Variants in DPP8 observed in about 807,000 individuals in gnomAD.
DPP8 encodes the protein dipeptidyl peptidase 8, also known as DPP VIII.
Under a neutral mutation model 107.5 loss-of-function variants are expected in DPP8, and 31 were observed. The observed-to-expected ratio is 0.29, with a 90% CI of 0.22 to 0.39. The LOEUF (loss-of-function observed/expected upper bound fraction) is 0.39, where lower values mean the gene tolerates loss of function less well. Ranked by LOEUF, DPP8 falls within the 10% of genes least tolerant of loss-of-function variation. The pLI, the probability that DPP8 is intolerant of heterozygous loss-of-function variation, is 1.00. For synonymous variants in DPP8, 381 were observed against 356.6 expected, an observed-to-expected ratio of 1.07 and a Z score of -0.77; for missense variants, 842 against 1,076.1, an observed-to-expected ratio of 0.78 and a Z score of 3.04.
intron 5 of DPP8, among the ~76,000 whole-genome samples, chr15:65,496,397 C>A (rs2068604779): frequency 6.6e-6 from 1 of 152,146 alleles, no homozygotes; most frequent in Admixed American, 6.6e-5. Context: ...AAAGAATTTT[C>A]AGTCATCATC....
intron 1 of DPP8, chr15:65,515,907 T>G (rs1418673472): frequency 1.7e-5 from 9 of 542,842 alleles, no homozygotes; most frequent in Middle Eastern, 2.8e-4. Context: ...TATCACTTTT[T>G]GGGGCAATAT....
At chr15:65,505,212 G>C (rs895484596) in intron 3 of DPP8, among the ~76,000 whole-genome samples, 7 of 151,878 alleles carry the variant, frequency 4.6e-5, no homozygotes, top group African/African-American at 1.5e-4. Flanking sequence ...AAAATTAGCT[G>C]GGCATGGTGG....
chr15:65,504,332 C>T (rs1449537582), intron 3 of DPP8, among the ~76,000 whole-genome samples: 1 of 138,494 alleles, frequency 7.2e-6, no homozygotes, highest in Non-Finnish European at 1.5e-5. Context: ...CATTGCACTC[C>T]AGCCTGGGCA....
chr15:65,517,142 C>T (rs2071548099), intron 1 of DPP8: 1 of 152,298 alleles, frequency 6.6e-6, no homozygotes, highest in Non-Finnish European at 1.5e-5. Context: ...TCCGTTTCCT[C>T]ATCTGTAAGC....
chr15:65,517,242 G>C (rs2071564615), intron 1 of DPP8: 1 of 152,294 alleles, frequency 6.6e-6, no homozygotes. Context: ...AGCTCAAGGG[G>C]CGCCCAGTGA....
chr15:65,458,765 A>C (rs1428774773), intron 15 of DPP8: 1 of 152,216 alleles, frequency 6.6e-6, no homozygotes, highest in Non-Finnish European at 1.5e-5. Context: ...ATTTCCACTT[A>C]GACGTGAATA....
chr15:65,492,369 G>A (rs1198750322), intron 5 of DPP8, among the ~76,000 whole-genome samples: 1 of 152,000 alleles, frequency 6.6e-6, no homozygotes, highest in Non-Finnish European at 1.5e-5. Flanking sequence ...GAATTTTTGA[G>A]AACATGTGTT....
At chr15:65,497,145 C>A (rs1424985248) in intron 5 of DPP8, among the ~76,000 whole-genome samples, 1 of 152,198 alleles carries the variant, frequency 6.6e-6, no homozygotes, top group Non-Finnish European at 1.5e-5. Context: ...CTGCCTTGGC[C>A]TCCCAAAGTG....
Position 65,500,635 on chromosome 15 carries a change from C to A in DPP8, c.517G>T (p.Val173Leu), listed in dbSNP as rs201216035. The A allele has an allele frequency of 1.2e-6, 2 of 1,614,030 alleles. No individual in the cohort carries two copies. The highest frequency in any genetic ancestry group is 3.3e-5 in the Admixed American group (2 of 59,966). The change falls in exon 4 of 20, where the codon GTA (valine) becomes TTA (leucine). Residue 173 changes from valine (V) to leucine (L), a missense_variant. Around this residue, in one of 2 missense-constraint regions of DPP8, gnomAD observed 663 missense variants for 758.0 expected, o/e 0.87. Transcript: ENST00000300141. Reference sequence around the variant, plus strand: ...AATCCTTGTGGCCCTCCATCTTTTACGTGATAAATTCCACTACCGGCTTGA... The same window carrying A: ...AATCCTTGTGGCCCTCCATCTTTTAAGTGATAAATTCCACTACCGGCTTGA... ...LFQAGSGIYH[V>L]KDGGPQGFTQ...
chr15:65,461,265 C>A (rs986569862), intron 15 of DPP8, among the ~76,000 whole-genome samples: 9 of 152,120 alleles, frequency 5.9e-5, no homozygotes, highest in African/African-American at 2.2e-4. Context: ...CTGCCTCAGC[C>A]TCTTGAGTAG....
At chr15:65,482,929 T>C in intron 8 of DPP8, among the ~76,000 whole-genome samples, 1 of 151,600 alleles carries the variant, frequency 6.6e-6, no homozygotes, top group East Asian at 2.0e-4. Flanking sequence ...ACCCTGTCTC[T>C]ACTAAAAATA....
At chr15:65,472,537 C>T (rs780785459) in intron 12 of DPP8, among the ~76,000 whole-genome samples, 1 of 152,048 alleles carries the variant, frequency 6.6e-6, no homozygotes, top group African/African-American at 2.4e-5. Flanking sequence ...TGGCCTCAAG[C>T]GATTCTCCAG....
intron 11 of DPP8, among the ~76,000 whole-genome samples, chr15:65,476,021 G>T (rs1283011712): frequency 6.6e-6 from 1 of 152,180 alleles, no homozygotes; most frequent in Non-Finnish European, 1.5e-5. Context: ...CAAAGTGTTG[G>T]GATTACAGGC....
chr15:65,457,845 G>C (rs541565701), intron 15 of DPP8, among the ~76,000 whole-genome samples: 1 of 152,242 alleles, frequency 6.6e-6, no homozygotes, highest in East Asian at 1.9e-4. Flanking sequence ...CCAGGCTGGA[G>C]TGTGGTGGTA....
In DPP8 at chr15:65,474,320, T is replaced by C. The variant is rs753353593; in HGVS notation, c.1457-32A>G. On this transcript the variant is annotated intron_variant, in intron 11 of 19. Coordinates refer to ENST00000300141, the MANE Select transcript of DPP8 (RefSeq NM_130434.5). ...ATAAATATAATTATAATTCAGTACA[T>C]TATACCAGACTATAAGCAAATGAAA... The C allele has an allele frequency of 6.9e-6, 10 of 1,440,922 alleles. No homozygotes were observed. In the Admixed American group the frequency reaches 1.7e-4, roughly 24 times the overall value. 89.3% of individuals were successfully genotyped at this position (1,440,922 alleles called of 1,614,324 possible). A position where few individuals can be genotyped will look rare whatever the true frequency, so the allele number is the denominator to read the frequency against.
At chr15:65,510,021 C>CA (rs1055818081) in intron 2 of DPP8, among the ~76,000 whole-genome samples, 14 of 149,488 alleles carry the variant, frequency 9.4e-5, no homozygotes, top group South Asian at 4.3e-4. Flanking sequence ...ACCGCCATCT[C>CA]AAAAAAAACA....
intron 12 of DPP8, among the ~76,000 whole-genome samples, chr15:65,469,504 T>C (rs959029084): frequency 6.6e-6 from 1 of 151,034 alleles, no homozygotes; most frequent in Admixed American, 6.6e-5. Flanking sequence ...AACACAAAAA[T>C]TAGCTGGGCA....
chr15:65,456,127 T>C (rs1356782029), intron 16 of DPP8, 98 bp downstream of exon 16: 3 of 1,375,426 alleles, frequency 2.2e-6, no homozygotes, highest in Non-Finnish European at 3.0e-6. Context: ...CACTCATTCA[T>C]AGCCCCTTCC....
chr15:65,484,616 TTTCTC>T (rs898470170), intron 8 of DPP8, among the ~76,000 whole-genome samples: 2 of 151,780 alleles, frequency 1.3e-5, no homozygotes, highest in Admixed American at 6.6e-5. Context: ...GCTATTCTCT[TTTCTC>T]TTTCTTTCGC....
Sources: allele counts gnomAD v4.1 joint callset (sites outside exome capture counted in the v4.1 genomes callset), GRCh38; gene constraint gnomAD v4.1.1; regional missense constraint gnomAD v4.1.1; transcripts MANE v1.5; gene names NCBI Gene and HGNC (gene_info 2026-07-23, HGNC 2026-07-21).